The following RANBP17 variants were observed in gnomAD, a reference collection of about 807,000 sequenced individuals.
RANBP17 encodes the protein RAN binding protein 17, also known as ran-binding protein 17.
Under a neutral mutation model 141.2 loss-of-function variants are expected in RANBP17, and 158 were observed. That is an observed-to-expected ratio of 1.12 (90% CI 0.98 to 1.28). The LOEUF is 1.28. Among genes scored for constraint, RANBP17 ranks in the 50% most tolerant of loss-of-function variants. The pLI, the probability that RANBP17 is intolerant of heterozygous loss-of-function variation, is 0.00. For missense variants in RANBP17, 1,438 were observed against 1,290.7 expected, an observed-to-expected ratio of 1.11 and a Z score of -1.75; for synonymous variants, 430 against 450.0, an observed-to-expected ratio of 0.96 and a Z score of 0.56.
intron 14 of RANBP17, among the ~76,000 whole-genome samples, chr5:171,030,933 CTTTCCTACTTTT>C (rs914076108): frequency 1.2e-4 from 18 of 152,092 alleles, no homozygotes; most frequent in Middle Eastern, 3.4e-3. Flanking sequence ...TTTAAATAAT[CTTTCCTACTTTT>C]TTTCCTACTT....
chr5:171,267,391 C>T (rs180943171), intron 25 of RANBP17, among the ~76,000 whole-genome samples: 3 of 152,162 alleles, frequency 2.0e-5, no homozygotes, highest in Admixed American at 2.0e-4. Flanking sequence ...GTATCTTCAT[C>T]CTGTTTTCAG....
chr5:170,952,394 G>A (rs1286979011), intron 12 of RANBP17, among the ~76,000 whole-genome samples: 1 of 151,848 alleles, frequency 6.6e-6, no homozygotes, highest in African/African-American at 2.4e-5. Flanking sequence ...GTTTATTTTT[G>A]TTTTGTGAGA....
intron 14 of RANBP17, chr5:171,028,889 G>A (rs1562002965): frequency 7.8e-7 from 1 of 1,287,034 alleles, no homozygotes; most frequent in Non-Finnish European, 1.0e-6. Flanking sequence ...ACATCTTCCT[G>A]TGAAGGGCTT....
chr5:171,204,975 T>A (rs544028824), intron 19 of RANBP17, among the ~76,000 whole-genome samples: 1 of 152,304 alleles, frequency 6.6e-6, no homozygotes, highest in East Asian at 1.9e-4. Flanking sequence ...ACTCTTTTCC[T>A]TACATCTTCC....
rs568372923 is a variant in RANBP17 at position 170,891,831 on chromosome 5, A to G, written c.257-556A>G. Among the ~76,000 whole-genome samples the G allele has an allele frequency of 2.0e-5, 3 of 152,346 alleles. No homozygotes were observed. In the South Asian group the frequency reaches 6.2e-4, roughly 32 times the overall value. ...GAGACTTGGTCAGGGACACAAATCC[A>G]AACCATATCAGCCTGGTTTCGGTTT... On this transcript the variant is annotated intron_variant, in intron 3 of 27. Transcript: ENST00000523189.
intron 13 of RANBP17, among the ~76,000 whole-genome samples, chr5:170,956,114 A>G (rs922179351): frequency 2.8e-4 from 43 of 151,526 alleles, no homozygotes; most frequent in African/African-American, 8.7e-4. Flanking sequence ...GTTTTTTCCA[A>G]ATTTTCCAAT....
intron 14 of RANBP17, among the ~76,000 whole-genome samples, chr5:170,985,659 T>C (rs1778094960): frequency 6.6e-6 from 1 of 152,256 alleles, no homozygotes; most frequent in South Asian, 2.1e-4. Context: ...GCAAATCTGC[T>C]TTCTTTCCAG....
chr5:170,901,702 G>T (rs1770649717), intron 5 of RANBP17, among the ~76,000 whole-genome samples: 1 of 152,172 alleles, frequency 6.6e-6, no homozygotes. Flanking sequence ...AGGAGCTCTT[G>T]TAAGGCAGGC....
At chr5:171,260,544 A>G (rs1296723246) in intron 24 of RANBP17, among the ~76,000 whole-genome samples, 1 of 151,984 alleles carries the variant, frequency 6.6e-6, no homozygotes, top group African/African-American at 2.4e-5. Flanking sequence ...GAAGTAGGTT[A>G]AAAGGTACAA....
intron 14 of RANBP17, among the ~76,000 whole-genome samples, chr5:171,090,879 C>G (rs751575950): frequency 6.6e-6 from 1 of 152,180 alleles, no homozygotes; most frequent in Admixed American, 6.5e-5. Context: ...GTACCTCTGC[C>G]TAGACCTCAA....
chr5:171,052,328 A>G (rs1783005205), intron 14 of RANBP17, among the ~76,000 whole-genome samples: 1 of 152,152 alleles, frequency 6.6e-6, no homozygotes, highest in Admixed American at 6.5e-5. Flanking sequence ...AATAACAGTT[A>G]CAAGGTCATG....
At chr5:170,888,213 A>G (rs913341541) in intron 3 of RANBP17, among the ~76,000 whole-genome samples, 1 of 152,200 alleles carries the variant, frequency 6.6e-6, no homozygotes, top group Non-Finnish European at 1.5e-5. Context: ...GCCTCTCAAT[A>G]TAACTTTTAG....
chr5:171,100,430 T>C (rs999039298), intron 14 of RANBP17, among the ~76,000 whole-genome samples: 3 of 152,236 alleles, frequency 2.0e-5, no homozygotes, highest in African/African-American at 7.2e-5. Flanking sequence ...TGTATTTCTG[T>C]GGGATCAGTG....
At chr5:171,088,696 G>A (rs1235868727) in intron 14 of RANBP17, among the ~76,000 whole-genome samples, 4 of 151,872 alleles carry the variant, frequency 2.6e-5, no homozygotes, top group South Asian at 4.2e-4. Flanking sequence ...TTCCCTTCTC[G>A]CTTGATTTCG....
chr5:171,249,091 T>A, intron 24 of RANBP17, among the ~76,000 whole-genome samples: 1 of 152,084 alleles, frequency 6.6e-6, no homozygotes, highest in South Asian at 2.1e-4. Context: ...GTTTCCCAGC[T>A]CCCAGCACAA....
At chr5:170,991,997 A>G (rs2127565405) in intron 14 of RANBP17, among the ~76,000 whole-genome samples, 1 of 152,094 alleles carries the variant, frequency 6.6e-6, no homozygotes, top group South Asian at 2.1e-4. Flanking sequence ...GCATGTATTT[A>G]TGGTGATTAT....
chr5:171,234,068 AT>A (rs1415541191), intron 22 of RANBP17, among the ~76,000 whole-genome samples: 1 of 151,674 alleles, frequency 6.6e-6, no homozygotes, highest in Non-Finnish European at 1.5e-5. Flanking sequence ...AAAAAAAAAA[AT>A]ACACACACAC....
chr5:171,174,751 A>AGT (rs57948503), intron 16 of RANBP17, among the ~76,000 whole-genome samples: 45,201 of 135,360 alleles, frequency 0.33, 7,276 homozygotes, highest in East Asian at 0.52. Flanking sequence ...AAATATCTAG[A>AGT]GTGTGTGTGT....
chr5:170,915,148 A>G (rs1771847023), intron 8 of RANBP17, among the ~76,000 whole-genome samples: 1 of 152,138 alleles, frequency 6.6e-6, no homozygotes, highest in Admixed American at 6.6e-5. Context: ...AGTTGTGTAA[A>G]AACCATGGTT....
Sources: gnomAD v4.1 joint callset for allele counts (sites outside exome capture counted in the v4.1 genomes callset) on GRCh38, gnomAD v4.1.1 for gene constraint, MANE v1.5 for transcripts, NCBI Gene and HGNC (gene_info 2026-07-23, HGNC 2026-07-21) for gene names.